Variants in ATP13A5 observed in about 807,000 individuals in gnomAD.
The protein encoded by ATP13A5 is probable cation-transporting ATPase 13A5.
Under a neutral mutation model 150.2 loss-of-function variants are expected in ATP13A5, and 149 were observed. The observed-to-expected ratio is 0.99, with a 90% confidence interval of 0.87 to 1.14. The LOEUF (loss-of-function observed/expected upper bound fraction) is 1.14, where lower values mean the gene tolerates loss of function less well. Among genes scored for constraint, ATP13A5 ranks in the 50% most tolerant of loss-of-function variants. The probability of loss-of-function intolerance (pLI) is 0.00; values close to 1 mark genes in which losing one functional copy is unlikely to be tolerated. For synonymous variants in ATP13A5, 497 were observed against 522.2 expected (o/e 0.95, Z 0.66); for missense variants, 1,383 against 1,449.3 (o/e 0.95, Z 0.74).
chr3:193,368,422 G>GTGTGTGTGTGT (rs10686496), intron 1 of ATP13A5, among the ~76,000 whole-genome samples: 15 of 150,850 alleles, frequency 9.9e-5, no homozygotes, highest in South Asian at 2.1e-4. Context: ...GTGTGTGTGT[G>GTGTGTGTGTGT]GTAATTGACA....
chr3:193,373,979 A>G (rs763194704), intron 1 of ATP13A5, among the ~76,000 whole-genome samples: 13 of 152,216 alleles, frequency 8.5e-5, no homozygotes, highest in Non-Finnish European at 1.5e-4. Flanking sequence ...AGGGGAACAC[A>G]GATGGAATTG....
At chr3:193,275,460 C>G (rs914413249) in intron 29 of ATP13A5, among the ~76,000 whole-genome samples, 158 bp from the exon 30 acceptor site, 1 of 152,128 alleles carries the variant, frequency 6.6e-6, no homozygotes, top group Non-Finnish European at 1.5e-5. Context: ...GGAATTCTGC[C>G]CTTAAGAAGC....
chr3:193,316,066 C>T (rs1462292044), intron 17 of ATP13A5, among the ~76,000 whole-genome samples: 1 of 152,036 alleles, frequency 6.6e-6, no homozygotes, highest in Admixed American at 6.6e-5. Context: ...AGTATTAGGC[C>T]TTCTGTGACT....
intron 26 of ATP13A5, among the ~76,000 whole-genome samples, chr3:193,287,518 C>T (rs981909680): frequency 6.6e-6 from 1 of 152,084 alleles, no homozygotes; most frequent in African/African-American, 2.4e-5. Flanking sequence ...AACAACAAAG[C>T]ATGGATGACA....
rs1713149942 is a variant in ATP13A5, at chr3:193,364,169, C to A, written c.175G>T (p.Val59Leu). 6.2e-7 allele frequency: 1 copy of A among 1,613,136 alleles called. No individual in the cohort carries two copies. The highest frequency in any genetic ancestry group is 1.7e-5 in the Admixed American group (1 of 59,934). ...LVFYWRPQWR[V>L]WANCIPCPLQ... is the part of the protein sequence containing the mutation. ...GGGCATGGGATGCAGTTGGCCCACA[C>A]TCTCCACTGGGGTCTCCAGTAGAAC... Residue 59 changes from valine to leucine, a missense_variant, in exon 2 of 30, where the codon GTG (valine) becomes TTG (leucine). Physicochemically the swap from Val to Leu is conservative, Grantham distance 32. Coordinates refer to ENST00000342358, the MANE Select transcript of ATP13A5 (RefSeq NM_198505.4).
At chr3:193,308,437 C>T (rs1227551037) in intron 21 of ATP13A5, among the ~76,000 whole-genome samples, 1 of 152,180 alleles carries the variant, frequency 6.6e-6, no homozygotes, top group East Asian at 1.9e-4. Flanking sequence ...CCAGCCTGGG[C>T]AACAAAGCGA....
chr3:193,318,711 T>C (rs1196858573), intron 17 of ATP13A5, among the ~76,000 whole-genome samples: 1 of 152,136 alleles, frequency 6.6e-6, no homozygotes, highest in Non-Finnish European at 1.5e-5. Flanking sequence ...GCGACTAAAG[T>C]TGACATAACA....
intron 6 of ATP13A5, among the ~76,000 whole-genome samples, chr3:193,351,977 T>C (rs9854273): frequency 0.54 from 82,384 of 152,038 alleles, 22,548 homozygotes; most frequent in African/African-American, 0.61. Flanking sequence ...AGAAAAGTCA[T>C]AGGATATACA....
intron 1 of ATP13A5, among the ~76,000 whole-genome samples, chr3:193,371,644 C>T (rs541277547): frequency 2.6e-5 from 4 of 152,264 alleles, no homozygotes; most frequent in African/African-American, 4.8e-5. Flanking sequence ...CAGCTGGAAG[C>T]GACTCTCAGT....
At chr3:193,341,558 T>A (rs1712130318) in intron 9 of ATP13A5, among the ~76,000 whole-genome samples, 1 of 152,142 alleles carries the variant, frequency 6.6e-6, no homozygotes, top group Non-Finnish European at 1.5e-5. Flanking sequence ...TCTGCTGCCC[T>A]GTCCAGGTAA....
chr3:193,378,588 T>C, intron 1 of ATP13A5, 75 bp downstream of exon 1: 2 of 1,296,898 alleles, frequency 1.5e-6, no homozygotes, highest in Admixed American at 3.6e-5. Context: ...ACACTCTATT[T>C]TCTAATTCAG....
intron 14 of ATP13A5, chr3:193,323,364 A>T (rs1442431432): frequency 1.3e-5 from 2 of 152,230 alleles, no homozygotes; most frequent in African/African-American, 2.4e-5. Context: ...TTACCAAAAG[A>T]TACTCAAGAC....
At chr3:193,370,233 T>C (rs1713392496) in intron 1 of ATP13A5, among the ~76,000 whole-genome samples, 1 of 152,202 alleles carries the variant, frequency 6.6e-6, no homozygotes, top group African/African-American at 2.4e-5. Context: ...CAGTGAAATA[T>C]GCATGCGCTT....
intron 6 of ATP13A5, among the ~76,000 whole-genome samples, chr3:193,352,847 TG>T: frequency 6.6e-6 from 1 of 152,204 alleles, no homozygotes; most frequent in South Asian, 2.1e-4. Context: ...ACCATCTTTA[TG>T]GGTTAGAAAT....
chr3:193,331,252 T>C lies in ATP13A5; in HGVS notation c.1332A>G (p.Pro444=). Residue 444 remains proline (P), a synonymous_variant, in exon 12 of 30, where the codon CCA becomes CCG. Transcript: ENST00000342358. ...CTATGGTCAGGGCAGCTGGCAGCACTGGAGGGACAGTCACGGTGAGGAGGA... is the reference window on the plus strand; with the variant it reads ...CTATGGTCAGGGCAGCTGGCAGCACCGGAGGGACAGTCACGGTGAGGAGGA... ...ALILLTVTVP[P]VLPAALTIGN... is the part of the protein sequence containing the mutation. The C allele has an allele frequency of 1.9e-6, 3 of 1,614,084 alleles. No individual in the cohort carries two copies. Among genetic ancestry groups the C allele is most frequent in the Middle Eastern group, 1.7e-4 (1 of 6,054 alleles).
intron 1 of ATP13A5, among the ~76,000 whole-genome samples, chr3:193,365,619 C>T (rs1020522513): frequency 6.6e-6 from 1 of 151,998 alleles, no homozygotes; most frequent in Non-Finnish European, 1.5e-5. Context: ...AATATACATT[C>T]TTTTACCGAG....
At chr3:193,341,336 G>C (rs537654935) in intron 9 of ATP13A5, among the ~76,000 whole-genome samples, 129 of 152,248 alleles carry the variant, frequency 8.5e-4, no homozygotes, top group African/African-American at 3.0e-3. Context: ...ATCATGGATT[G>C]AGAGACTATC....
Position 193,314,158 on chromosome 3 carries a change from TC to T in ATP13A5, c.2193del (p.Asn732IlefsTer4). On this transcript the variant is annotated frameshift_variant, in exon 19 of 30. Coordinates refer to ENST00000342358, the MANE Select transcript of ATP13A5 (RefSeq NM_198505.4). LOFTEE classifies it high-confidence loss of function. ...DNLQTAITVA[K>X]NSEMIPPGSQ... is the part of the protein sequence containing the mutation. Reference sequence around the variant, plus strand: ...CTGCCTGGAGGGATCATTTCAGAATTCTTTGCAACAGTAATGGCCGTTTGAA... The same window carrying T: ...CTGCCTGGAGGGATCATTTCAGAATTTTTGCAACAGTAATGGCCGTTTGAA... 6.2e-7 allele frequency: 1 copy of T among 1,613,864 alleles called. No homozygotes were observed. The highest frequency in any genetic ancestry group is 2.2e-5 in the East Asian group (1 of 44,868).
intron 1 of ATP13A5, among the ~76,000 whole-genome samples, chr3:193,367,110 A>C (rs1213558943): frequency 3.3e-5 from 5 of 152,012 alleles, no homozygotes; most frequent in Non-Finnish European, 7.4e-5. Context: ...AAGTTTTGAA[A>C]TCAATAAACT....
Sources: gnomAD v4.1 joint callset for allele counts (sites outside exome capture counted in the v4.1 genomes callset) on GRCh38, gnomAD v4.1.1 for gene constraint, MANE v1.5 for transcripts, NCBI Gene and HGNC (gene_info 2026-07-23, HGNC 2026-07-21) for gene names.